OR51A7: variants seen among roughly 807,000 people sequenced by gnomAD.
OR51A7 encodes olfactory receptor 51A7.
For missense variants in OR51A7, 409 were observed against 374.5 expected (o/e 1.09, Z -0.76); for synonymous variants, 143 against 135.5 (o/e 1.05, Z -0.38).
At chr11:4,907,018 C>T (rs1380495128) in intron 1 of OR51A7, among the ~76,000 whole-genome samples, 6 of 140,524 alleles carry the variant, frequency 4.3e-5, no homozygotes, top group South Asian at 2.3e-4. Flanking sequence ...ATCACTTGAT[C>T]GCGGGAGGTG....
chr11:4,905,237 T>A (rs1049184438), intron 1 of OR51A7, among the ~76,000 whole-genome samples: 1 of 152,130 alleles, frequency 6.6e-6, no homozygotes, highest in Non-Finnish European at 1.5e-5. Context: ...CACATTATAC[T>A]TACCCTGGGT....
In OR51A7 at chr11:4,908,028, T is replaced by A. The variant is rs372063476; in HGVS notation, c.659T>A (p.Ile220Asn). The change falls in exon 2 of 2, where the codon ATC (isoleucine) becomes AAC (asparagine). Residue 220 changes from isoleucine (I) to asparagine (N), a missense_variant. By Grantham distance (149) the Ile-to-Asn change is moderately radical (BLOSUM62 -3). Coordinates refer to ENST00000641490, the MANE Select transcript of OR51A7 (RefSeq NM_001004749.2). ...LALIVLSYVL[I>N]LKTILSIASL... is the part of the protein sequence containing the mutation. ...CTGATTGTTTTGTCTTATGTGCTGA[T>A]CTTGAAGACTATACTCAGCATTGCA... The A allele has an allele frequency of 6.2e-7, 1 of 1,614,072 alleles. No individual in the cohort carries two copies. Among genetic ancestry groups the A allele is most frequent in the African/African-American group, 1.3e-5 (1 of 74,938 alleles).
At chr11:4,905,082 AG>A (rs1228757082) in intron 1 of OR51A7, among the ~76,000 whole-genome samples, 1 of 152,162 alleles carries the variant, frequency 6.6e-6, no homozygotes, top group Non-Finnish European at 1.5e-5. Flanking sequence ...GAAAATAAAA[AG>A]GAATAAGAGT....
In OR51A7 at chr11:4,908,407, G is replaced by GA; in HGVS notation, c.*100dup. Reference sequence around the variant, plus strand: ...AGAAGTCACTAATGAAGGACTGGATGATGGAAGTGAAAAGCTATGTAGTGC... The same window carrying GA: ...AGAAGTCACTAATGAAGGACTGGATGAATGGAAGTGAAAAGCTATGTAGTGC... On this transcript the variant is annotated 3_prime_UTR_variant, in exon 2 of 2. Coordinates refer to ENST00000641490, the MANE Select transcript of OR51A7 (RefSeq NM_001004749.2). The GA allele has an allele frequency of 1.0e-6, 1 of 1,001,094 alleles. No individual in the cohort carries two copies. The highest frequency in any genetic ancestry group is 2.5e-5 in the East Asian group (1 of 40,274). 62.0% of individuals were successfully genotyped at this position (1,001,094 alleles called of 1,614,324 possible). A position where few individuals can be genotyped will look rare whatever the true frequency, so the allele number is the denominator to read the frequency against.
At chr11:4,905,240 C>A (rs1162820300) in intron 1 of OR51A7, among the ~76,000 whole-genome samples, 1 of 152,056 alleles carries the variant, frequency 6.6e-6, no homozygotes, top group Non-Finnish European at 1.5e-5. Flanking sequence ...ATTATACTTA[C>A]CCTGGGTTTT....
At position 4,907,439 on chromosome 11, in the gene OR51A7, C is replaced by A. The variant is rs1850914066; in HGVS notation, c.70C>A (p.His24Asn). The A allele has an allele frequency of 6.2e-7, 1 of 1,613,826 alleles. No individual in the cohort carries two copies. The highest frequency in any genetic ancestry group is 8.5e-7 in the Non-Finnish European group (1 of 1,179,990). The change falls in exon 2 of 2, where the codon CAC becomes AAC. Residue 24 changes from histidine to asparagine, a missense_variant. His to Asn is a moderately conservative substitution (Grantham distance 68). Transcript: ENST00000641490. ...LIGIPGLEHA[H>N]IWFSIPICLM... ...TGGGATCCCAGGACTGGAACATGCC[C>A]ACATTTGGTTCTCCATCCCCATTTG...
At position 4,908,948 on chromosome 11, in the gene OR51A7, CT is replaced by C. The variant is rs1207470683; in HGVS notation, c.*641del. On this transcript the variant is annotated 3_prime_UTR_variant, in exon 2 of 2. Transcript: ENST00000641490. ...AACAGGAGAAAGCACAATAATCCTG[CT>C]GTGAAGTGATGACTCAGAATAGGCA... The C allele has an allele frequency of 6.5e-6, 1 of 153,880 alleles. No individual in the cohort carries two copies. The highest frequency in any genetic ancestry group is 1.4e-5 in the Non-Finnish European group (1 of 69,232). The allele number at this position is 153,880 out of a possible 1,614,324, so 9.5% of individuals were successfully genotyped here.
At chr11:4,906,331 A>G (rs1164649075) in intron 1 of OR51A7, among the ~76,000 whole-genome samples, 1 of 152,206 alleles carries the variant, frequency 6.6e-6, no homozygotes, top group Non-Finnish European at 1.5e-5. Flanking sequence ...GGAACTTCAT[A>G]AATAACTATA....
At chr11:4,905,659 T>G (rs1389017396) in intron 1 of OR51A7, among the ~76,000 whole-genome samples, 1 of 152,138 alleles carries the variant, frequency 6.6e-6, no homozygotes, top group Non-Finnish European at 1.5e-5. Flanking sequence ...TTAATTAAAA[T>G]TATTAATTTC....
intron 1 of OR51A7, among the ~76,000 whole-genome samples, chr11:4,904,363 T>G (rs1038861376): frequency 1.3e-5 from 2 of 152,126 alleles, no homozygotes; most frequent in African/African-American, 4.8e-5. Context: ...ATAGCAATTC[T>G]AAGTGGTATG....
intron 1 of OR51A7, among the ~76,000 whole-genome samples, chr11:4,905,018 G>A (rs1410540445): frequency 6.6e-6 from 1 of 152,094 alleles, no homozygotes; most frequent in Admixed American, 6.6e-5. Context: ...AATAAAAAAT[G>A]CACTAGAGAT....
intron 1 of OR51A7, among the ~76,000 whole-genome samples, chr11:4,905,052 A>G (rs994907570): frequency 6.6e-6 from 1 of 152,178 alleles, no homozygotes; most frequent in Admixed American, 6.5e-5. Flanking sequence ...GACCTGAGTC[A>G]ATATCCCTCA....
At chr11:4,906,331 A>C (rs1164649075) in intron 1 of OR51A7, among the ~76,000 whole-genome samples, 1 of 152,206 alleles carries the variant, frequency 6.6e-6, no homozygotes, top group Admixed American at 6.5e-5. Flanking sequence ...GGAACTTCAT[A>C]AATAACTATA....
At chr11:4,907,095 T>TAAAAAAAAAAAAAAAAAAAAAAAA (rs3065178) in intron 1 of OR51A7, among the ~76,000 whole-genome samples, 15 of 55,122 alleles carry the variant, frequency 2.7e-4, no homozygotes, top group African/African-American at 8.5e-4. Context: ...AAACTCCCTC[T>TAAAAAAAAAAAAAAAAAAAAAAAA]AAAAAAAAAA....
At position 4,909,149 on chromosome 11, in the gene OR51A7, A is replaced by AC. The variant is rs1320231948; in HGVS notation, c.*841_*842insC. 6.6e-6 allele frequency: 1 copy of AC among 152,168 alleles called. No individual in the cohort carries two copies. The highest frequency in any genetic ancestry group is 2.4e-5 in the African/African-American group (1 of 41,436). 9.4% of individuals were successfully genotyped at this position (152,168 alleles called of 1,614,324 possible). On this transcript the variant is annotated 3_prime_UTR_variant, in exon 2 of 2. Transcript: ENST00000641490. ...TAGTCTTTCCCTGCGCCTTAAAAAA[A>AC]ATCAGCCCCTCTAATATGTTCTTAA...
In OR51A7 at chr11:4,907,927, G is replaced by A; in HGVS notation, c.558G>A (p.Lys186=). The change falls in exon 2 of 2, where the codon AAG becomes AAA. Residue 186 remains lysine (K), a synonymous_variant. Transcript: ENST00000641490. ...HSYCLHQDTM[K]LACSDNKTNV... is the part of the protein sequence containing the mutation. Reference sequence around the variant, plus strand: ...ACTGTCTTCATCAGGATACCATGAAGCTGGCCTGCTCTGACAACAAGACCA... The same window carrying A: ...ACTGTCTTCATCAGGATACCATGAAACTGGCCTGCTCTGACAACAAGACCA... 1 of 1,614,096 alleles carries A rather than the reference G, an allele frequency of 6.2e-7. No individual in the cohort carries two copies. The highest frequency in any genetic ancestry group is 1.1e-5 in the South Asian group (1 of 91,086).
Position 4,907,777 on chromosome 11 carries a change from C to T in OR51A7, c.408C>T (p.Leu136=), listed in dbSNP as rs760565320. ...IHNPLRYSSI[L]TSNRVAKMGL... ...ATCCCTTAAGATACAGTTCTATCCTCACTAGCAACAGGGTTGCTAAAATGG... is the reference window on the plus strand; with the variant it reads ...ATCCCTTAAGATACAGTTCTATCCTTACTAGCAACAGGGTTGCTAAAATGG... The change falls in exon 2 of 2, where the codon CTC becomes CTT. Residue 136 remains leucine (L), a synonymous_variant. Coordinates refer to ENST00000641490, the MANE Select transcript of OR51A7 (RefSeq NM_001004749.2). 2.5e-6 allele frequency: 4 copies of T among 1,613,968 alleles called. No individual in the cohort carries two copies. Among genetic ancestry groups the T allele is most frequent in the Non-Finnish European group, 3.4e-6 (4 of 1,179,996 alleles).
At position 4,908,132 on chromosome 11, in the gene OR51A7, A is replaced by G. The variant is rs144609747; in HGVS notation, c.763A>G (p.Ile255Val). 10,213 of 1,614,134 alleles carry G rather than the reference A, an allele frequency of 6.3e-3. 44 individuals are homozygous for G. Among genetic ancestry groups the G allele is most frequent in the Non-Finnish European group, 7.8e-3 (9,147 of 1,180,024 alleles). The change falls in exon 2 of 2, where the codon ATC becomes GTC. Residue 255 changes from isoleucine to valine, a missense_variant. Coordinates refer to ENST00000641490, the MANE Select transcript of OR51A7 (RefSeq NM_001004749.2). ...CAVLTFYVPIITLAAMHHFAK... is the reference protein window; with the variant it reads ...CAVLTFYVPIVTLAAMHHFAK... ...TGTGCTCACCTTCTATGTGCCCATC[A>G]TCACCCTGGCTGCCATGCATCACTT...
chr11:4,908,000 G>A lies in OR51A7; in HGVS notation c.631G>A (p.Ala211Thr), dbSNP rs374202327. The change falls in exon 2 of 2, where the codon GCA becomes ACA. Residue 211 changes from alanine (A) to threonine (T), a missense_variant. Transcript: ENST00000641490. ...TGCTCTCTGTACTATGCTGGACTTGGCACTGATTGTTTTGTCTTATGTGCT... is the reference window on the plus strand; with the variant it reads ...TGCTCTCTGTACTATGCTGGACTTGACACTGATTGTTTTGTCTTATGTGCT... The part of the protein sequence containing the change: ...FIALCTMLDL[A>T]LIVLSYVLIL... The A allele has an allele frequency of 1.5e-5, 25 of 1,614,040 alleles. No homozygotes were observed. The East Asian group carries it at 4.9e-4, about 32-fold the overall frequency.
Sources: allele counts gnomAD v4.1 joint callset (sites outside exome capture counted in the v4.1 genomes callset), GRCh38; gene constraint gnomAD v4.1.1; transcripts MANE v1.5; gene names NCBI Gene and HGNC (gene_info 2026-07-23, HGNC 2026-07-21).